Variants in C12orf56 observed in about 807,000 individuals in gnomAD.
C12orf56 encodes the protein uncharacterized protein C12orf56.
In C12orf56, 71 loss-of-function variants were observed where a neutral mutation model predicts 69.9. The ratio of observed to expected loss-of-function variants is 1.02; its 90% CI spans 0.84 to 1.24. The LOEUF is 1.24. C12orf56 is among the 50% of genes most tolerant of loss of function. C12orf56 has a pLI of 0.00. For synonymous variants in C12orf56, 276 were observed against 274.1 expected (o/e 1.01, Z -0.07); for missense variants, 732 against 738.5 (o/e 0.99, Z 0.10).
At chr12:64,349,672 C>G (rs1305972604) in intron 2 of C12orf56, among the ~76,000 whole-genome samples, 1 of 152,202 alleles carries the variant, frequency 6.6e-6, no homozygotes, top group Non-Finnish European at 1.5e-5. Flanking sequence ...CCATAAAAAG[C>G]ATTCACAGTG....
intron 5 of C12orf56, among the ~76,000 whole-genome samples, chr12:64,309,595 C>T (rs2038578856): frequency 6.6e-6 from 1 of 152,214 alleles, no homozygotes; most frequent in Admixed American, 6.5e-5. Context: ...ACTGCAGCCT[C>T]TGCCTCCCAG....
chr12:64,361,011 G>A (rs2135960552), intron 1 of C12orf56, among the ~76,000 whole-genome samples: 1 of 152,212 alleles, frequency 6.6e-6, no homozygotes, highest in African/African-American at 2.4e-5. Flanking sequence ...CTTGAAGTCG[G>A]GAGTTTGAGA....
intron 2 of C12orf56, among the ~76,000 whole-genome samples, chr12:64,335,843 A>G (rs1351209770): frequency 2.6e-5 from 4 of 152,208 alleles, no homozygotes; most frequent in African/African-American, 9.6e-5. Context: ...TGATTGGACC[A>G]TGGGCACCTG....
intron 1 of C12orf56, among the ~76,000 whole-genome samples, chr12:64,383,508 C>T (rs980964726): frequency 6.6e-6 from 1 of 151,992 alleles, no homozygotes; most frequent in Non-Finnish European, 1.5e-5. Context: ...CTCCGAGTAG[C>T]TGGGACTACA....
intron 3 of C12orf56, among the ~76,000 whole-genome samples, chr12:64,320,617 C>T (rs1461229477): frequency 1.3e-5 from 2 of 152,138 alleles, no homozygotes; most frequent in African/African-American, 4.8e-5. Context: ...CTTTGCTGCA[C>T]AAGAAAACAA....
chr12:64,314,878 G>A (rs1004864177), intron 4 of C12orf56, among the ~76,000 whole-genome samples: 67 of 142,110 alleles, frequency 4.7e-4, no homozygotes, highest in Non-Finnish European at 8.0e-4. Flanking sequence ...CTCCTGATCC[G>A]CCCGCCTCGG....
At chr12:64,379,110 G>A (rs2039678481) in intron 1 of C12orf56, among the ~76,000 whole-genome samples, 1 of 151,606 alleles carries the variant, frequency 6.6e-6, no homozygotes, top group Non-Finnish European at 1.5e-5. Flanking sequence ...TAAGTAGCTT[G>A]AATCCTGAAT....
intron 1 of C12orf56, among the ~76,000 whole-genome samples, chr12:64,356,016 T>C (rs1474480514): frequency 6.6e-6 from 1 of 151,940 alleles, no homozygotes; most frequent in Non-Finnish European, 1.5e-5. Flanking sequence ...TACAAAAAAT[T>C]AGCCAGGTGT....
chr12:64,381,248 A>T (rs1266120391), intron 1 of C12orf56, among the ~76,000 whole-genome samples: 1 of 152,050 alleles, frequency 6.6e-6, no homozygotes, highest in Non-Finnish European at 1.5e-5. Flanking sequence ...AGATCAGACA[A>T]CTCAGTTTAT....
chr12:64,293,388 T>G (rs1366500824), intron 6 of C12orf56: 1 of 152,778 alleles, frequency 6.5e-6, no homozygotes, highest in African/African-American at 2.4e-5. Flanking sequence ...TGTGGCAGTT[T>G]TACAAACTGA....
chr12:64,380,241 T>C (rs1381026512), intron 1 of C12orf56, among the ~76,000 whole-genome samples: 2 of 150,150 alleles, frequency 1.3e-5, no homozygotes, highest in African/African-American at 2.5e-5. Flanking sequence ...TCATGAGACC[T>C]ATAAGATTTT....
chr12:64,371,391 C>T (rs2039568386), intron 1 of C12orf56, among the ~76,000 whole-genome samples: 1 of 152,028 alleles, frequency 6.6e-6, no homozygotes, highest in African/African-American at 2.4e-5. Flanking sequence ...GAGTGAGACC[C>T]TGTCTCAAAA....
intron 1 of C12orf56, among the ~76,000 whole-genome samples, chr12:64,363,502 T>C (rs574534745): frequency 1.8e-4 from 28 of 152,046 alleles, no homozygotes; most frequent in Admixed American, 5.2e-4. Context: ...TCCATAAAAG[T>C]GTTTTGGGGC....
intron 2 of C12orf56, among the ~76,000 whole-genome samples, chr12:64,339,092 G>T (rs1381193176): frequency 6.6e-6 from 1 of 152,078 alleles, no homozygotes; most frequent in Non-Finnish European, 1.5e-5. Flanking sequence ...ATCATTCTTT[G>T]TTAACATGGT....
At chr12:64,347,416 G>T (rs549226767) in intron 2 of C12orf56, among the ~76,000 whole-genome samples, 1 of 151,628 alleles carries the variant, frequency 6.6e-6, no homozygotes. Context: ...CTCCTGAGTA[G>T]CTGGGATAAC....
intron 12 of C12orf56, among the ~76,000 whole-genome samples, chr12:64,267,998 A>G (rs1398955729): frequency 6.6e-6 from 1 of 152,192 alleles, no homozygotes; most frequent in Non-Finnish European, 1.5e-5. Flanking sequence ...CATCCCTAAT[A>G]TGAACATGTA....
chr12:64,304,775 C>CT (rs1344079576), intron 5 of C12orf56, among the ~76,000 whole-genome samples: 1 of 152,164 alleles, frequency 6.6e-6, no homozygotes, highest in African/African-American at 2.4e-5. Flanking sequence ...GCTGGCTCCA[C>CT]TGTGGGGACC....
rs869290282 is a variant in C12orf56 at position 64,387,077 on chromosome 12, CAAAAAAAAAAAAAAAAAA to C, written c.252+3219_252+3236del. 2.1e-3 allele frequency among the ~76,000 whole-genome samples: 87 copies of C among 42,110 alleles called. 2 individuals carry two copies. The highest frequency in any genetic ancestry group is 9.0e-3 in the African/African-American group (82 of 9,160). 27.6% of individuals were successfully genotyped at this position (42,110 alleles called of 152,430 possible). A position where few individuals can be genotyped will look rare whatever the true frequency, so the allele number is the denominator to read the frequency against. On this transcript the variant is annotated intron_variant, in intron 1 of 12. Transcript: ENST00000543942. The stretch of plus-strand genomic sequence containing the variant: ...TGGGTAACAGAGCGAGACTCTATCT[CAAAAAAAAAAAAAAAAAA>C]AAAAAAAAAAAAAAAGATGTGTTCA...
At chr12:64,357,481 C>G (rs2039334007) in intron 1 of C12orf56, among the ~76,000 whole-genome samples, 1 of 151,096 alleles carries the variant, frequency 6.6e-6, no homozygotes, top group African/African-American at 2.4e-5. Context: ...CGTACAATCT[C>G]AGGTCACTGC....
Sources: gnomAD v4.1 joint callset for allele counts (sites outside exome capture counted in the v4.1 genomes callset) on GRCh38, gnomAD v4.1.1 for gene constraint, MANE v1.5 for transcripts, NCBI Gene and HGNC (gene_info 2026-07-23, HGNC 2026-07-21) for gene names.